ZNF365: variants seen among roughly 807,000 people sequenced by gnomAD.
ZNF365 encodes the protein zinc finger protein 365.
A neutral mutation model predicts 35.0 loss-of-function variants in ZNF365; 22 were observed. The ratio of observed to expected loss-of-function variants is 0.63; its 90% CI spans 0.45 to 0.90. ZNF365 has a LOEUF of 0.90. Among genes scored for constraint, ZNF365 ranks in the 40% least tolerant of loss-of-function variants. ZNF365 has a pLI of 0.00. For synonymous variants in ZNF365, 188 were observed against 196.2 expected (o/e 0.96, Z 0.35); for missense variants, 448 against 500.3 (o/e 0.90, Z 1.00).
chr10:62,420,667 C>A (rs1840152149), intron 3 of ZNF365, among the ~76,000 whole-genome samples: 1 of 152,170 alleles, frequency 6.6e-6, no homozygotes. Flanking sequence ...TGCAAGTTGG[C>A]AGTGAACTTG....
intron 3 of ZNF365, among the ~76,000 whole-genome samples, chr10:62,440,819 T>A (rs1252199170): frequency 3.3e-5 from 5 of 152,204 alleles, no homozygotes; most frequent in Non-Finnish European, 7.3e-5. Context: ...CACTTGTGAA[T>A]TACTGCCTCA....
At chr10:62,376,977 A>G in intron 2 of ZNF365, 41 bp downstream of exon 2, 1 of 1,576,554 alleles carries the variant, frequency 6.3e-7, no homozygotes, top group Non-Finnish European at 8.6e-7. Flanking sequence ...CATTGCTTTA[A>G]GCAGCACCCC....
At position 62,401,050 on chromosome 10, in the gene ZNF365, C is replaced by T; in HGVS notation, c.*1261C>T. 2.0e-6 allele frequency: 2 copies of T among 985,432 alleles called. No individual in the cohort carries two copies. Among genetic ancestry groups the T allele is most frequent in the African/African-American group, 1.7e-5 (1 of 57,312 alleles). 61.0% of individuals were successfully genotyped at this position (985,432 alleles called of 1,614,324 possible). A position where few individuals can be genotyped will look rare whatever the true frequency, so the allele number is the denominator to read the frequency against. The stretch of plus-strand genomic sequence containing the variant: ...CATGTTATTTTTTCCTTAAATTTAG[C>T]AATATCATCAGGTCTCTTGCAGAGT... On this transcript the variant is annotated 3_prime_UTR_variant, in exon 5 of 5. Coordinates refer to ENST00000395254, the MANE Select transcript of ZNF365 (RefSeq NM_014951.3).
chr10:62,438,674 A>G (rs1840446928), intron 3 of ZNF365, among the ~76,000 whole-genome samples: 1 of 152,206 alleles, frequency 6.6e-6, no homozygotes, highest in South Asian at 2.1e-4. Context: ...GGCCTTTGCT[A>G]TTCTCTTATG....
rs1451988697 is a variant in ZNF365, at chr10:62,401,290, A to G, written c.*1501A>G. On this transcript the variant is annotated 3_prime_UTR_variant, in exon 5 of 5. Coordinates refer to ENST00000395254, the MANE Select transcript of ZNF365 (RefSeq NM_014951.3). The stretch of plus-strand genomic sequence containing the variant: ...GAATTCTCTTATTTAAAAAATCAAA[A>G]CTGTAACGTAATTAACATTGGCAGA... The G allele has an allele frequency of 1.0e-6, 1 of 985,410 alleles. No homozygotes were observed. The highest frequency in any genetic ancestry group is 1.2e-6 in the Non-Finnish European group (1 of 829,906). 61.0% of individuals were successfully genotyped at this position (985,410 alleles called of 1,614,324 possible).
At position 62,400,677 on chromosome 10, in the gene ZNF365, G is replaced by C; in HGVS notation, c.*888G>C. ...CGTGACCATCCTGGAAGCACTGCGGGTGTCGCCAAGCCCTTTCCTAAGACC... is the reference window on the plus strand; with the variant it reads ...CGTGACCATCCTGGAAGCACTGCGGCTGTCGCCAAGCCCTTTCCTAAGACC... On this transcript the variant is annotated 3_prime_UTR_variant, in exon 5 of 5. Transcript: ENST00000395254. 2 of 985,692 alleles carry C rather than the reference G, an allele frequency of 2.0e-6. No individual in the cohort carries two copies. Among genetic ancestry groups the C allele is most frequent in the Non-Finnish European group, 2.4e-6 (2 of 830,044 alleles). The allele number at this position is 985,692 out of a possible 1,614,324, so 61.1% of individuals were successfully genotyped here. A position where few individuals can be genotyped will look rare whatever the true frequency, so the allele number is the denominator to read the frequency against.
At chr10:62,467,771 G>A (rs1840968199) in intron 4 of ZNF365, among the ~76,000 whole-genome samples, 1 of 152,216 alleles carries the variant, frequency 6.6e-6, no homozygotes, top group South Asian at 2.1e-4. Flanking sequence ...CATGCTTCAA[G>A]CCTCTTTGCT....
intron 3 of ZNF365, among the ~76,000 whole-genome samples, chr10:62,445,780 T>C (rs16917219): frequency 0.012 from 1,867 of 152,286 alleles, 40 homozygotes; most frequent in African/African-American, 0.042. Context: ...AACCACTGAT[T>C]CAAAGTGGAA....
chr10:62,390,813 G>A (rs893457826), intron 3 of ZNF365, among the ~76,000 whole-genome samples: 7 of 152,198 alleles, frequency 4.6e-5, no homozygotes, highest in African/African-American at 1.4e-4. Flanking sequence ...ACTACTGTAG[G>A]TGATTGGAAC....
intron 3 of ZNF365, among the ~76,000 whole-genome samples, chr10:62,413,695 C>G (rs1840025141): frequency 6.6e-6 from 1 of 152,098 alleles, no homozygotes; most frequent in African/African-American, 2.4e-5. Flanking sequence ...CAGGTCCCAC[C>G]CTAGATCTAT....
intron 3 of ZNF365, among the ~76,000 whole-genome samples, chr10:62,425,757 A>G (rs1419371741): frequency 4.6e-5 from 7 of 152,130 alleles, no homozygotes; most frequent in Non-Finnish European, 1.0e-4. Flanking sequence ...ATGTATCACC[A>G]TCGGATGTAC....
intron 3 of ZNF365, among the ~76,000 whole-genome samples, chr10:62,410,932 G>T (rs1381899355): frequency 6.6e-6 from 1 of 152,150 alleles, no homozygotes; most frequent in Non-Finnish European, 1.5e-5. Context: ...AACCTTGCCA[G>T]CATCTGTTGT....
At chr10:62,380,919 C>A (rs942203512) in intron 2 of ZNF365, among the ~76,000 whole-genome samples, 1 of 152,172 alleles carries the variant, frequency 6.6e-6, no homozygotes. Flanking sequence ...TACATATACA[C>A]TTTTCTGCAA....
At chr10:62,455,158 G>T (rs921838037) in intron 3 of ZNF365, among the ~76,000 whole-genome samples, 1 of 152,192 alleles carries the variant, frequency 6.6e-6, no homozygotes, top group Non-Finnish European at 1.5e-5. Flanking sequence ...TTAAGCAGGG[G>T]AGTGTTATAA....
chr10:62,475,632 G>A (rs1170636383), intron 4 of ZNF365, among the ~76,000 whole-genome samples: 3 of 152,132 alleles, frequency 2.0e-5, no homozygotes, highest in Non-Finnish European at 2.9e-5. Context: ...TCACCAAGCT[G>A]CGACCAGATC....
At chr10:62,421,906 G>T (rs1036047806) in intron 3 of ZNF365, among the ~76,000 whole-genome samples, 1 of 152,184 alleles carries the variant, frequency 6.6e-6, no homozygotes, top group Non-Finnish European at 1.5e-5. Flanking sequence ...CTGATACTCA[G>T]CTATTGATTT....
intron 4 of ZNF365, among the ~76,000 whole-genome samples, chr10:62,466,721 A>G (rs1469775723): frequency 6.6e-6 from 1 of 151,816 alleles, no homozygotes; most frequent in East Asian, 1.9e-4. Flanking sequence ...TTAATCACCA[A>G]CATTTGCTAA....
intron 3 of ZNF365, among the ~76,000 whole-genome samples, chr10:62,428,631 C>T (rs957604206): frequency 9.9e-5 from 15 of 152,130 alleles, no homozygotes; most frequent in South Asian, 6.2e-4. Flanking sequence ...AGCATGAGAG[C>T]GGACTAATAC....
At chr10:62,421,978 T>C (rs1352834628) in intron 3 of ZNF365, among the ~76,000 whole-genome samples, 1 of 152,236 alleles carries the variant, frequency 6.6e-6, no homozygotes, top group Non-Finnish European at 1.5e-5. Context: ...CTTCCTCTTA[T>C]CTGCAAGGTA....
Sources: allele counts gnomAD v4.1 joint callset (sites outside exome capture counted in the v4.1 genomes callset), GRCh38; gene constraint gnomAD v4.1.1; transcripts MANE v1.5; gene names NCBI Gene and HGNC (gene_info 2026-07-23, HGNC 2026-07-21).